CACNA1C: variants seen among roughly 807,000 people sequenced by gnomAD.
The protein encoded by CACNA1C is voltage-dependent L-type calcium channel subunit alpha-1C.
Under a neutral mutation model 229.0 loss-of-function variants are expected in CACNA1C, and 30 were observed. The observed-to-expected ratio is 0.13, with a 90% CI of 0.10 to 0.18. CACNA1C has a LOEUF of 0.18. Ranked by LOEUF, CACNA1C falls within the 10% of genes least tolerant of loss-of-function variation. The pLI is 1.00. For synonymous variants in CACNA1C, 1,114 were observed against 1,132.5 expected, an observed-to-expected ratio of 0.98 and a Z score of 0.33; for missense variants, 1,658 against 2,845.0, an observed-to-expected ratio of 0.58 and a Z score of 9.49.
intron 45 of CACNA1C, among the ~76,000 whole-genome samples, chr12:2,687,531 C>T (rs980162273): frequency 3.3e-5 from 5 of 149,900 alleles, no homozygotes; most frequent in South Asian, 2.1e-4. Context: ...GAGGGCGTAC[C>T]GTGTGACTTT....
Position 2,649,382 on chromosome 12 carries a change from T to C in CACNA1C, c.3945+875T>C, listed in dbSNP as rs1029703591. On this transcript the variant is annotated intron_variant, in intron 31 of 46. Transcript: ENST00000399655. This position sits in a 1 kb window ranked among gnomAD's most constrained non-coding sequence, Gnocchi z 4.4. ...CCAAGTCTGCAGGCCGAGGCAAGCTTGGGTGGGTTGATGTGTTCCCCAGTG... is the reference window on the plus strand; with the variant it reads ...CCAAGTCTGCAGGCCGAGGCAAGCTCGGGTGGGTTGATGTGTTCCCCAGTG... Among the ~76,000 whole-genome samples the C allele has an allele frequency of 1.3e-5, 2 of 152,156 alleles. No homozygotes were observed. The highest frequency in any genetic ancestry group is 4.8e-5 in the African/African-American group (2 of 41,434).
chr12:2,611,759 A>G, intron 28 of CACNA1C, 144 bp from the exon 29 acceptor site: 1 of 606,158 alleles, frequency 1.6e-6, no homozygotes, highest in South Asian at 2.0e-5. Context: ...CTGACTGCCC[A>G]CGGAGAGGTG....
rs191879068 is a variant in CACNA1C at position 2,007,943 on chromosome 12, T to C, written c.139+36742T>C. Among the ~76,000 whole-genome samples the C allele has an allele frequency of 2.1e-3, 321 of 152,268 alleles. 3 individuals carry two copies. The highest frequency in any genetic ancestry group is 7.5e-3 in the African/African-American group (310 of 41,554). On this transcript the variant is annotated intron_variant, in intron 1 of 46. Transcript: ENST00000682462. ...ACTTATTTATTTACTACGTTACATA[T>C]ACATTTTTTTCCAATTCTAAAAAAA...
Position 2,684,952 on chromosome 12 carries a change from C to G in CACNA1C, c.5574-784C>G, listed in dbSNP as rs1212798637. Reference sequence around the variant, plus strand: ...CACCAGGGACCAGTGAGTCAGTGGTCTCATCTGGGAATGAGGTTGGAATGC... The same window carrying G: ...CACCAGGGACCAGTGAGTCAGTGGTGTCATCTGGGAATGAGGTTGGAATGC... On this transcript the variant is annotated intron_variant, in intron 43 of 46. Coordinates refer to ENST00000399655, the MANE Select transcript of CACNA1C (RefSeq NM_000719.7). Among the ~76,000 whole-genome samples, 5 of 152,134 alleles carry G rather than the reference C, an allele frequency of 3.3e-5. No homozygotes were observed. The East Asian group carries it at 9.6e-4, about 29-fold the overall frequency.
At chr12:2,537,598 C>T (rs2099858781) in intron 9 of CACNA1C, among the ~76,000 whole-genome samples, 1 of 152,210 alleles carries the variant, frequency 6.6e-6, no homozygotes, top group Non-Finnish European at 1.5e-5. Context: ...CATACTCTAT[C>T]CCTTTCCAAT....
intron 3 of CACNA1C, among the ~76,000 whole-genome samples, chr12:2,336,022 CAA>C (rs34731308): frequency 0.14 from 13,315 of 92,432 alleles, 641 homozygotes; most frequent in South Asian, 0.2. Flanking sequence ...AAAACAACTC[CAA>C]AAAAAAAAAA....
At chr12:2,363,240 G>A (rs1280857340) in intron 3 of CACNA1C, among the ~76,000 whole-genome samples, 3 of 152,108 alleles carry the variant, frequency 2.0e-5, no homozygotes, top group Non-Finnish European at 4.4e-5. Flanking sequence ...TACCTTGGAT[G>A]GCTTCCTGAT....
intron 1 of CACNA1C, among the ~76,000 whole-genome samples, chr12:2,106,938 GGCGTCCTGAAGC>G (rs2079105556): frequency 1.0e-5 from 1 of 97,922 alleles, no homozygotes; most frequent in East Asian, 3.7e-4. Flanking sequence ...CCTCAGCTGG[GGCGTCCTGAAGC>G]CACTGGGCGC....
At chr12:2,255,883 C>T (rs12816047) in intron 3 of CACNA1C, among the ~76,000 whole-genome samples, 27 of 1,288 alleles carry the variant, frequency 0.021, no homozygotes, top group East Asian at 0.062. Context: ...AATCACACGA[C>T]CCTGACCTGA....
At chr12:2,365,621 A>G (rs1044711198) in intron 3 of CACNA1C, among the ~76,000 whole-genome samples, 1 of 152,250 alleles carries the variant, frequency 6.6e-6, no homozygotes, top group Non-Finnish European at 1.5e-5. Context: ...TTGAAGACAC[A>G]AAGTTGGGAG....
chr12:2,299,836 CAGCCTCTCTA>C lies in CACNA1C; in HGVS notation c.478-149133_478-149124del, dbSNP rs142219666. Among the ~76,000 whole-genome samples, 995 of 152,236 alleles carry C rather than the reference CAGCCTCTCTA, an allele frequency of 6.5e-3. 16 individuals are homozygous for C. Among genetic ancestry groups the C allele is most frequent in the African/African-American group, 0.023 (956 of 41,520 alleles). On this transcript the variant is annotated intron_variant, in intron 3 of 46. Transcript: ENST00000399655. ...CACCATGTGACCCGGACAAGGCATT[CAGCCTCTCTA>C]AGCCTCAATGTCATCATTTGTAAAA...
intron 5 of CACNA1C, among the ~76,000 whole-genome samples, chr12:2,477,073 G>A (rs2099633626): frequency 6.6e-6 from 1 of 152,214 alleles, no homozygotes; most frequent in South Asian, 2.1e-4. Flanking sequence ...CATTAAGCCT[G>A]TGAGACCATT....
At chr12:2,520,775 T>C (rs1056561429) in intron 9 of CACNA1C, among the ~76,000 whole-genome samples, 1 of 142,556 alleles carries the variant, frequency 7.0e-6, no homozygotes, top group Non-Finnish European at 1.5e-5. Flanking sequence ...GGCCGTGTGC[T>C]TCATAGGAGG....
At chr12:2,221,370 A>C (rs1445399574) in intron 3 of CACNA1C, among the ~76,000 whole-genome samples, 1 of 152,174 alleles carries the variant, frequency 6.6e-6, no homozygotes, top group Non-Finnish European at 1.5e-5. Context: ...GGGTAGGAGA[A>C]TAGAGGCTGG....
intron 16 of CACNA1C, among the ~76,000 whole-genome samples, chr12:2,584,896 G>GA (rs2061834241): frequency 6.6e-6 from 1 of 152,182 alleles, no homozygotes; most frequent in African/African-American, 2.4e-5. Context: ...AGGAGTGTAG[G>GA]GTGGGGAGAG....
intron 3 of CACNA1C, among the ~76,000 whole-genome samples, chr12:2,442,681 G>A (rs2099240698): frequency 6.6e-6 from 1 of 152,184 alleles, no homozygotes; most frequent in African/African-American, 2.4e-5. Flanking sequence ...TGGTTCTGTG[G>A]GCTGTACAGG....
At chr12:2,299,369 AT>A (rs2094373287) in intron 3 of CACNA1C, among the ~76,000 whole-genome samples, 1 of 152,066 alleles carries the variant, frequency 6.6e-6, no homozygotes, top group South Asian at 2.1e-4. Context: ...TTTCCGGTGT[AT>A]GTGGGAGGCA....
upstream of CACNA1C, among the ~76,000 whole-genome samples, chr12:2,052,598 G>C (rs1461962676): frequency 1.4e-5 from 2 of 144,222 alleles, no homozygotes; most frequent in Non-Finnish European, 3.1e-5. Flanking sequence ...GGGGCGCGAG[G>C]GGGTGTGTCC....
intron 29 of CACNA1C, among the ~76,000 whole-genome samples, chr12:2,625,194 T>C (rs554147075): frequency 1.3e-5 from 2 of 152,212 alleles, no homozygotes; most frequent in South Asian, 2.1e-4. Context: ...TAAAAGTCAC[T>C]ATGAAGCATA....
Sources: gnomAD v4.1 joint callset for allele counts (sites outside exome capture counted in the v4.1 genomes callset) on GRCh38, gnomAD v4.1.1 for gene constraint, Gnocchi (gnomAD v3.1) non-coding constraint, MANE v1.5 for transcripts, NCBI Gene and HGNC (gene_info 2026-07-23, HGNC 2026-07-21) for gene names.